Variants in MTMR1 observed in about 807,000 individuals in gnomAD.
MTMR1 encodes myotubularin related protein 1.
In MTMR1, 17 loss-of-function variants were observed where a neutral mutation model predicts 51.6. The observed-to-expected ratio is 0.33, with a 90% CI of 0.23 to 0.49. MTMR1 has a LOEUF of 0.49. Ranked by LOEUF, MTMR1 falls within the 20% of genes least tolerant of loss-of-function variation. The pLI, the probability that MTMR1 is intolerant of heterozygous loss-of-function variation, is 0.99. For missense variants in MTMR1, 386 were observed against 526.9 expected, an observed-to-expected ratio of 0.73 and a Z score of 2.62; for synonymous variants, 201 against 205.6, an observed-to-expected ratio of 0.98 and a Z score of 0.19.
intron 4 of MTMR1, among the ~76,000 whole-genome samples, chrX:150,725,717 A>G (rs1271669959): frequency 3.6e-5 from 4 of 111,163 alleles, no homozygotes; most frequent in African/African-American, 9.8e-5. Flanking sequence ...AAACCCCACA[A>G]TATATTGTTT....
chrX:150,761,128 G>T (rs971942626), intron 15 of MTMR1, among the ~76,000 whole-genome samples: 1 of 110,356 alleles, frequency 9.1e-6, no homozygotes, highest in East Asian at 2.9e-4. Context: ...ATTGCAAGGC[G>T]TCCCTTGTCT....
chrX:150,731,691 A>C (rs918097545), intron 9 of MTMR1, 72 bp downstream of exon 9: 1 of 963,920 alleles, frequency 1.0e-6, no homozygotes. Flanking sequence ...GATTTAAGAC[A>C]AAAAAGAAAC....
rs1196870553 is a variant in MTMR1, at chrX:150,760,359, CCTGTTGGGCCT to C, written c.1858-2203_1858-2193del. On this transcript the variant is annotated intron_variant, in intron 15 of 15. Coordinates refer to ENST00000445323, the MANE Select transcript of MTMR1 (RefSeq NM_001306144.3). ...GGGTAAACGACAGGGCAGATGCAAG[CCTGTTGGGCCT>C]CTTTTCTCTGAGAAGGCAGTGGCTC... Among the ~76,000 whole-genome samples the C allele has an allele frequency of 3.7e-5, 4 of 109,416 alleles. 1 individual carries two copies. The highest frequency in any genetic ancestry group is 5.7e-5 in the Non-Finnish European group (3 of 52,294).
chrX:150,718,386 C>A (rs1364159017), intron 3 of MTMR1, among the ~76,000 whole-genome samples: 3 of 111,576 alleles, frequency 2.7e-5, no homozygotes, highest in African/African-American at 9.8e-5. Context: ...ATTAATGCTT[C>A]CTAACTGTGA....
chrX:150,710,244 G>T (rs1302030252), intron 2 of MTMR1, among the ~76,000 whole-genome samples: 1 of 112,147 alleles, frequency 8.9e-6, no homozygotes, highest in Non-Finnish European at 1.9e-5. Context: ...GACTTCCAGG[G>T]TTTAACTGCT....
chrX:150,750,708 C>T, intron 13 of MTMR1, 22 bp from the exon 14 acceptor site: 1 of 1,070,621 alleles, frequency 9.3e-7, no homozygotes, highest in Non-Finnish European at 1.3e-6. Context: ...ATGACTAAAC[C>T]TTATTTTTCT....
At position 150,727,201 on chromosome X, in the gene MTMR1, C is replaced by T. The variant is rs782001018; in HGVS notation, c.353-14C>T. 2.6e-6 allele frequency: 3 copies of T among 1,158,174 alleles called. No individual in the cohort carries two copies. The highest frequency in any genetic ancestry group is 3.5e-6 in the Non-Finnish European group (3 of 853,093). ...TCTATGGCAGTAGTTGCTACTTTGG[C>T]CTTTTTCTTTCAGTGAAAGATGTCA... On this transcript the variant is annotated splice_polypyrimidine_tract_variant and intron_variant, in intron 4 of 15. Coordinates refer to ENST00000445323, the MANE Select transcript of MTMR1 (RefSeq NM_001306144.3).
chrX:150,698,669 T>TACACACAC (rs1269816051), intron 1 of MTMR1, among the ~76,000 whole-genome samples: 1 of 64,130 alleles, frequency 1.6e-5, no homozygotes, highest in South Asian at 1.2e-3. Context: ...AAACCCTGTC[T>TACACACAC]ACACGCGCGC....
intron 14 of MTMR1, among the ~76,000 whole-genome samples, chrX:150,753,472 C>T (rs1245367924): frequency 1.8e-5 from 2 of 112,318 alleles, no homozygotes; most frequent in Non-Finnish European, 3.7e-5. Flanking sequence ...ATTTCACCAA[C>T]GCTTACTATT....
rs143504270 is a variant in MTMR1, at chrX:150,731,520, G to A, written c.792G>A (p.Glu264=). The change falls in exon 9 of 16, where the codon GAG becomes GAA. Residue 264 remains glutamate (E), a synonymous_variant. Coordinates refer to ENST00000445323, the MANE Select transcript of MTMR1 (RefSeq NM_001306144.3). ...WKISKINSNY[E]FCDTYPAIIV... Reference sequence around the variant, plus strand: ...TATCCAAAATAAACAGTAATTATGAGTTCTGTGACACCTACCCTGCCATCA... The same window carrying A: ...TATCCAAAATAAACAGTAATTATGAATTCTGTGACACCTACCCTGCCATCA... The A allele has an allele frequency of 1.7e-4, 207 of 1,205,581 alleles. No individual in the cohort carries two copies. In the African/African-American group the frequency reaches 3.3e-3, roughly 19 times the overall value.
chrX:150,733,915 G>T (rs2042191057), intron 10 of MTMR1, among the ~76,000 whole-genome samples: 1 of 111,798 alleles, frequency 8.9e-6, no homozygotes, highest in Non-Finnish European at 1.9e-5. Flanking sequence ...GGAAGACTGG[G>T]AGAGGAACAG....
chrX:150,729,876 G>A (rs782629221), intron 6 of MTMR1, among the ~76,000 whole-genome samples: 1 of 111,312 alleles, frequency 9.0e-6, no homozygotes, highest in East Asian at 2.8e-4. Flanking sequence ...AAAATTAGCC[G>A]GTAGTGGTGG....
chrX:150,753,627 G>T (rs1305275286), intron 14 of MTMR1, among the ~76,000 whole-genome samples: 1 of 112,496 alleles, frequency 8.9e-6, no homozygotes, highest in Non-Finnish European at 1.9e-5. Flanking sequence ...TGGAGAATGT[G>T]TATTCAGCTC....
intron 2 of MTMR1, among the ~76,000 whole-genome samples, chrX:150,706,572 A>G (rs1457218533): frequency 8.9e-6 from 1 of 112,480 alleles, no homozygotes; most frequent in African/African-American, 3.2e-5. Flanking sequence ...AACAGGACTC[A>G]TAAGCTGAAA....
At position 150,755,673 on chromosome X, in the gene MTMR1, C is replaced by A. The variant is rs2042884858; in HGVS notation, c.1681-16C>A. 3 of 1,131,737 alleles carry A rather than the reference C, an allele frequency of 2.7e-6. No individual in the cohort carries two copies. The highest frequency in any genetic ancestry group is 3.5e-6 in the Non-Finnish European group (3 of 850,670). The allele number at this position is 1,131,737 out of a possible 1,213,427, so 93.3% of individuals were successfully genotyped here. A position where few individuals can be genotyped will look rare whatever the true frequency, so the allele number is the denominator to read the frequency against. On this transcript the variant is annotated splice_polypyrimidine_tract_variant and intron_variant, in intron 14 of 15. Coordinates refer to ENST00000445323, the MANE Select transcript of MTMR1 (RefSeq NM_001306144.3). ...TGAAGAAAAGTTTATTTCCAATGTT[C>A]TTTTTTGTTTTTCAGGATGTATATA... is the stretch of plus-strand genomic sequence containing the variant.
At chrX:150,731,997 T>C (rs1299963991) in intron 9 of MTMR1, among the ~76,000 whole-genome samples, 1 of 111,686 alleles carries the variant, frequency 9.0e-6, no homozygotes, top group African/African-American at 3.3e-5. Flanking sequence ...ATGCCATAGC[T>C]GCGTGGGAGG....
chrX:150,752,888 C>T (rs1490324098), intron 14 of MTMR1, among the ~76,000 whole-genome samples: 6 of 110,382 alleles, frequency 5.4e-5, no homozygotes, highest in South Asian at 7.8e-4. Flanking sequence ...GTGATGTTCC[C>T]GCCTCGGCCT....
At chrX:150,704,452 T>G (rs971620385) in intron 2 of MTMR1, among the ~76,000 whole-genome samples, 2 of 111,689 alleles carry the variant, frequency 1.8e-5, no homozygotes, top group African/African-American at 3.3e-5. Context: ...GCAGTGGTGG[T>G]GGTGTCAGGG....
intron 2 of MTMR1, among the ~76,000 whole-genome samples, chrX:150,704,982 T>C (rs2041044317): frequency 9.7e-6 from 1 of 103,125 alleles, no homozygotes; most frequent in African/African-American, 3.4e-5. Flanking sequence ...CAATTGCAGG[T>C]ATGCTTGAAA....
Sources: allele counts gnomAD v4.1 joint callset (sites outside exome capture counted in the v4.1 genomes callset), GRCh38; gene constraint gnomAD v4.1.1; transcripts MANE v1.5; gene names NCBI Gene and HGNC (gene_info 2026-07-23, HGNC 2026-07-21).